NRG3: variants seen among roughly 807,000 people sequenced by gnomAD.
NRG3 encodes neuregulin 3.
NRG3 carries 31 observed loss-of-function variants against 66.9 expected under a neutral mutation model. The observed-to-expected ratio is 0.46, with a 90% CI of 0.35 to 0.63. NRG3 has a LOEUF of 0.63. Ranked by LOEUF, NRG3 falls within the 20% of genes least tolerant of loss-of-function variation. The pLI is 0.00. For missense variants in NRG3, 910 were observed against 878.9 expected, an observed-to-expected ratio of 1.04 and a Z score of -0.45; for synonymous variants, 393 against 359.4, an observed-to-expected ratio of 1.09 and a Z score of -1.06.
At chr10:82,734,194 C>G (rs1397013828) in intron 2 of NRG3, among the ~76,000 whole-genome samples, 1 of 152,150 alleles carries the variant, frequency 6.6e-6, no homozygotes, top group East Asian at 1.9e-4. Flanking sequence ...TTTTAAAACT[C>G]TTTACTTAAA....
At chr10:82,004,362 GAGAA>G (rs2061300673) in intron 1 of NRG3, among the ~76,000 whole-genome samples, 1 of 152,128 alleles carries the variant, frequency 6.6e-6, no homozygotes, top group Non-Finnish European at 1.5e-5. Flanking sequence ...ATCTAGTAGA[GAGAA>G]AGAAACTGAT....
chr10:82,437,668 G>A (rs150729660), intron 2 of NRG3, among the ~76,000 whole-genome samples: 279 of 152,180 alleles, frequency 1.8e-3, no homozygotes, highest in Middle Eastern at 6.8e-3. Context: ...TCATCTTCGT[G>A]AATTTGTCTA....
At chr10:82,232,696 G>T (rs1564691679) in intron 1 of NRG3, 4 of 715,188 alleles carry the variant, frequency 5.6e-6, no homozygotes, top group Non-Finnish European at 1.0e-5. Context: ...GCTACAAGAG[G>T]AGACACAGGA....
At chr10:82,297,619 G>A (rs1042120161) in intron 1 of NRG3, among the ~76,000 whole-genome samples, 8 of 152,092 alleles carry the variant, frequency 5.3e-5, no homozygotes, top group Non-Finnish European at 8.8e-5. Context: ...CCTTCACTTT[G>A]CTGATGTATT....
chr10:82,726,029 A>C (rs546408893), intron 2 of NRG3, among the ~76,000 whole-genome samples: 13 of 152,182 alleles, frequency 8.5e-5, no homozygotes, highest in Non-Finnish European at 1.3e-4. Context: ...CTGTGGGCTT[A>C]TAAAAAGAGA....
intron 2 of NRG3, among the ~76,000 whole-genome samples, chr10:82,486,439 G>C (rs1590307838): frequency 6.6e-6 from 1 of 151,514 alleles, no homozygotes; most frequent in Non-Finnish European, 1.5e-5. Flanking sequence ...TTTTGAGATG[G>C]AGTCTTGCTC....
At chr10:82,895,667 A>T (rs1843595381) in intron 4 of NRG3, among the ~76,000 whole-genome samples, 1 of 151,680 alleles carries the variant, frequency 6.6e-6, no homozygotes, top group Non-Finnish European at 1.5e-5. Context: ...ATTTTTTGTA[A>T]TTTTAATAGA....
chr10:82,902,885 AAT>A (rs752728415), intron 4 of NRG3, among the ~76,000 whole-genome samples: 28 of 151,996 alleles, frequency 1.8e-4, no homozygotes, highest in Admixed American at 6.6e-4. Context: ...AATTTTTTAT[AAT>A]ATATTGGAAA....
intron 1 of NRG3, among the ~76,000 whole-genome samples, chr10:82,039,614 G>A (rs1031867407): frequency 2.0e-5 from 3 of 152,072 alleles, no homozygotes; most frequent in Admixed American, 6.6e-5. Context: ...CAGTGAACTC[G>A]TCATTAATTG....
chr10:82,419,453 G>C (rs1236959411), intron 2 of NRG3, among the ~76,000 whole-genome samples: 1 of 152,130 alleles, frequency 6.6e-6, no homozygotes, highest in Non-Finnish European at 1.5e-5. Context: ...TATAAAGGTT[G>C]TCTCTGATAC....
chr10:81,878,114 C>T, intron 1 of NRG3: 1 of 1,505,284 alleles, frequency 6.6e-7, no homozygotes, highest in Non-Finnish European at 8.8e-7. Flanking sequence ...TTCTACCCCT[C>T]TATGCTCTCT....
At chr10:82,667,079 CT>C (rs1290459670) in intron 2 of NRG3, among the ~76,000 whole-genome samples, 1 of 152,158 alleles carries the variant, frequency 6.6e-6, no homozygotes, top group African/African-American at 2.4e-5. Flanking sequence ...CAGAGCGCCC[CT>C]GCCTCTACGT....
rs769607380 is a variant in NRG3, at chr10:81,933,107, CAA to C, written c.823+56961_823+56962del. On this transcript the variant is annotated intron_variant, in intron 1 of 8. Transcript: ENST00000372141. Reference sequence around the variant, plus strand: ...TGGGCAACAGAGCAACGCTCCATCTCAAAAAAAAAAAAAAAAAAGAAAAGAAA... The same window carrying C: ...TGGGCAACAGAGCAACGCTCCATCTCAAAAAAAAAAAAAAAAGAAAAGAAA... Among the ~76,000 whole-genome samples the C allele has an allele frequency of 8.9e-4, 53 of 59,510 alleles. No homozygotes were observed. In the East Asian group the frequency reaches 0.015, roughly 16 times the overall value. 39.0% of individuals were successfully genotyped at this position (59,510 alleles called of 152,430 possible). A position where few individuals can be genotyped will look rare whatever the true frequency, so the allele number is the denominator to read the frequency against.
intron 2 of NRG3, among the ~76,000 whole-genome samples, chr10:82,564,754 G>A (rs2045283846): frequency 6.6e-6 from 1 of 151,814 alleles, no homozygotes; most frequent in African/African-American, 2.4e-5. Context: ...AGCTCTTACT[G>A]TTAAAAGAAA....
At chr10:82,621,232 A>G (rs1022607074) in intron 2 of NRG3, among the ~76,000 whole-genome samples, 3 of 152,216 alleles carry the variant, frequency 2.0e-5, no homozygotes, top group Non-Finnish European at 2.9e-5. Context: ...ATTGACCAGG[A>G]TGAAGTCAGA....
intron 2 of NRG3, among the ~76,000 whole-genome samples, chr10:82,463,056 C>T (rs145026985): frequency 1.3e-5 from 2 of 152,228 alleles, no homozygotes; most frequent in Non-Finnish European, 2.9e-5. Context: ...GCTCCCCAGG[C>T]GTTCCTGGCC....
chr10:82,213,263 C>T (rs1041280823), intron 1 of NRG3, among the ~76,000 whole-genome samples: 1 of 152,178 alleles, frequency 6.6e-6, no homozygotes, highest in Admixed American at 6.5e-5. Context: ...GGTTGAACAT[C>T]TGTAATCTGA....
intron 3 of NRG3, among the ~76,000 whole-genome samples, chr10:82,775,358 C>A (rs972641523): frequency 1.3e-5 from 2 of 150,528 alleles, no homozygotes; most frequent in Admixed American, 6.6e-5. Flanking sequence ...TTGATTTGTT[C>A]TTTGACCAAT....
chr10:82,236,630 A>G (rs2076764656), intron 1 of NRG3, among the ~76,000 whole-genome samples: 1 of 150,650 alleles, frequency 6.6e-6, no homozygotes, highest in Non-Finnish European at 1.5e-5. Flanking sequence ...AACCCAAACT[A>G]TGATTTTATT....
Sources: gnomAD v4.1 joint callset for allele counts (sites outside exome capture counted in the v4.1 genomes callset) on GRCh38, gnomAD v4.1.1 for gene constraint, MANE v1.5 for transcripts, NCBI Gene and HGNC (gene_info 2026-07-23, HGNC 2026-07-21) for gene names.